SPON1: variants seen among roughly 807,000 people sequenced by gnomAD.
The protein encoded by SPON1 is spondin 1, also known as spondin-1.
A neutral mutation model predicts 111.7 loss-of-function variants in SPON1; 52 were observed. That is an observed-to-expected ratio of 0.47 (90% CI 0.37 to 0.59). The LOEUF is 0.59. Among genes scored for constraint, SPON1 ranks in the 20% least tolerant of loss-of-function variants. SPON1 has a pLI of 0.00. For missense variants in SPON1, 957 were observed against 1,068.5 expected (o/e 0.90, Z 1.46); for synonymous variants, 410 against 395.8 (o/e 1.04, Z -0.43).
intron 2 of SPON1, among the ~76,000 whole-genome samples, chr11:13,987,310 A>T (rs1554910526): frequency 2.6e-5 from 4 of 152,166 alleles, no homozygotes; most frequent in African/African-American, 7.2e-5. Flanking sequence ...TTCTCTAATG[A>T]CCAGTGATGA....
chr11:14,076,413 T>C (rs552146099), intron 4 of SPON1, among the ~76,000 whole-genome samples: 2 of 152,272 alleles, frequency 1.3e-5, no homozygotes, highest in South Asian at 2.1e-4. Context: ...ACAATAATAA[T>C]AGGTAATATG....
intron 10 of SPON1, 120 bp downstream of exon 10, chr11:14,256,812 C>A: frequency 1.4e-6 from 1 of 735,186 alleles, no homozygotes; most frequent in South Asian, 1.9e-5. Context: ...AATCATATCT[C>A]TGAGGATTTC....
chr11:14,071,631 G>A (rs775941574), intron 3 of SPON1, among the ~76,000 whole-genome samples: 25 of 152,254 alleles, frequency 1.6e-4, no homozygotes, highest in Non-Finnish European at 3.1e-4. Flanking sequence ...AATAAGGTAC[G>A]AATCTTGGAA....
chr11:14,187,782 CTTT>C (rs35855997), intron 6 of SPON1, among the ~76,000 whole-genome samples: 2 of 146,624 alleles, frequency 1.4e-5, no homozygotes, highest in South Asian at 4.4e-4. Context: ...GCCCAGCTAA[CTTT>C]TTTTTTTGTT....
At chr11:13,966,554 T>G (rs1453376834) in intron 1 of SPON1, among the ~76,000 whole-genome samples, 1 of 152,192 alleles carries the variant, frequency 6.6e-6, no homozygotes, top group African/African-American at 2.4e-5. Flanking sequence ...TCAAGGAACT[T>G]GATGGGAAAA....
chr11:13,963,969 G>A (rs1246491799), intron 1 of SPON1, among the ~76,000 whole-genome samples: 3 of 152,172 alleles, frequency 2.0e-5, no homozygotes, highest in African/African-American at 7.2e-5. Flanking sequence ...CCACGTCCCA[G>A]GGATGTCGCG....
chr11:13,993,304 G>A (rs1591343610), intron 2 of SPON1, among the ~76,000 whole-genome samples: 1 of 151,824 alleles, frequency 6.6e-6, no homozygotes, highest in Non-Finnish European at 1.5e-5. Flanking sequence ...CCCCAACAGC[G>A]GGTTCCAGCA....
At chr11:14,138,706 A>C (rs560341715) in intron 6 of SPON1, among the ~76,000 whole-genome samples, 1 of 152,266 alleles carries the variant, frequency 6.6e-6, no homozygotes, top group South Asian at 2.1e-4. Flanking sequence ...ACTCGTTATG[A>C]AAACACTTCA....
chr11:14,165,019 C>T (rs969916945), intron 6 of SPON1, among the ~76,000 whole-genome samples: 6 of 152,184 alleles, frequency 3.9e-5, no homozygotes, highest in Non-Finnish European at 7.3e-5. Context: ...CCTCCAGCTG[C>T]ATGACTCCTA....
chr11:14,085,939 GCTCT>G (rs1849002730), intron 5 of SPON1, among the ~76,000 whole-genome samples: 2 of 151,950 alleles, frequency 1.3e-5, no homozygotes, highest in South Asian at 4.2e-4. Context: ...TCATGATTTG[GCTCT>G]CTGCTTGCCT....
At chr11:14,090,994 G>T (rs574148277) in intron 5 of SPON1, among the ~76,000 whole-genome samples, 104 of 151,960 alleles carry the variant, frequency 6.8e-4, no homozygotes, top group African/African-American at 1.9e-3. Context: ...GTTCTCCAAG[G>T]CCCCACCAGA....
At chr11:14,232,757 A>G (rs181250140) in intron 6 of SPON1, among the ~76,000 whole-genome samples, 29 of 151,930 alleles carry the variant, frequency 1.9e-4, no homozygotes, top group South Asian at 1.2e-3. Flanking sequence ...ATTTTTCTCA[A>G]CTCCACAGCC....
chr11:14,160,693 A>T (rs1467233109), intron 6 of SPON1, among the ~76,000 whole-genome samples: 1 of 9,404 alleles, frequency 1.1e-4, no homozygotes, highest in East Asian at 5.3e-3. Flanking sequence ...ATATATATTT[A>T]TATATTTATA....
chr11:14,207,570 T>C (rs1337775369), intron 6 of SPON1, among the ~76,000 whole-genome samples: 1 of 152,024 alleles, frequency 6.6e-6, no homozygotes. Context: ...ACAGATACTC[T>C]TCAAAAGAAG....
At chr11:14,240,478 C>T (rs781795263) in intron 6 of SPON1, among the ~76,000 whole-genome samples, 3 of 152,174 alleles carry the variant, frequency 2.0e-5, no homozygotes, top group Non-Finnish European at 4.4e-5. Flanking sequence ...TCCTTGGAGC[C>T]TCCATAGGTC....
chr11:14,160,849 AT>A (rs1312006572), intron 6 of SPON1, among the ~76,000 whole-genome samples: 1 of 39,738 alleles, frequency 2.5e-5, no homozygotes, highest in Non-Finnish European at 4.3e-5. Context: ...ATATTTATAT[AT>A]TTATATATAT....
At chr11:14,057,055 A>T (rs1402325109) in intron 3 of SPON1, among the ~76,000 whole-genome samples, 1 of 152,106 alleles carries the variant, frequency 6.6e-6, no homozygotes, top group Non-Finnish European at 1.5e-5. Flanking sequence ...ATATAAATAA[A>T]CACATATACC....
intron 3 of SPON1, among the ~76,000 whole-genome samples, chr11:14,069,923 G>C (rs1369253181): frequency 1.1e-4 from 16 of 152,124 alleles, no homozygotes; most frequent in Non-Finnish European, 2.4e-4. Context: ...TGGGCCCACT[G>C]TCTTGGGCTT....
Position 13,982,842 on chromosome 11 carries a change from T to C in SPON1, c.239-5T>C, listed in dbSNP as rs1385983008. 6.5e-7 allele frequency: 1 copy of C among 1,544,010 alleles called. No homozygotes were observed. Among genetic ancestry groups the C allele is most frequent in the East Asian group, 2.4e-5 (1 of 41,302 alleles). Reference sequence around the variant, plus strand: ...CTTAAAACCTGCTTTTTTCTCTCTCTGCAGTAACACTTTCAGCTGCTCCTC... The same window carrying C: ...CTTAAAACCTGCTTTTTTCTCTCTCCGCAGTAACACTTTCAGCTGCTCCTC... On this transcript the variant is annotated splice_polypyrimidine_tract_variant and splice_region_variant and intron_variant, in intron 1 of 15. Transcript: ENST00000576479.
Sources: allele counts gnomAD v4.1 joint callset (sites outside exome capture counted in the v4.1 genomes callset), GRCh38; gene constraint gnomAD v4.1.1; transcripts MANE v1.5; gene names NCBI Gene and HGNC (gene_info 2026-07-23, HGNC 2026-07-21).